THNSL1: variants seen among roughly 807,000 people sequenced by gnomAD.
THNSL1 encodes threonine synthase like 1, also known as threonine synthase-like 1.
A neutral mutation model predicts 50.4 loss-of-function variants in THNSL1; 48 were observed. The ratio of observed to expected loss-of-function variants is 0.95; its 90% CI spans 0.76 to 1.21. The LOEUF (loss-of-function observed/expected upper bound fraction) is 1.21, where lower values mean the gene tolerates loss of function less well. Among genes scored for constraint, THNSL1 ranks in the 50% most tolerant of loss-of-function variants. The probability of loss-of-function intolerance (pLI) is 0.00; values close to 1 mark genes in which losing one functional copy is unlikely to be tolerated. For missense variants in THNSL1, 896 were observed against 871.7 expected (o/e 1.03, Z -0.35); for synonymous variants, 309 against 306.1 (o/e 1.01, Z -0.10).
the THNSL1 span, among the ~76,000 whole-genome samples, chr10:24,992,059 G>T: frequency 6.6e-6 from 1 of 152,352 alleles, no homozygotes; most frequent in African/African-American, 2.4e-5. Flanking sequence ...TGACAGTGAA[G>T]CCATCAGCTG....
chr10:24,990,752 G>T, the THNSL1 span: 1 of 815,564 alleles, frequency 1.2e-6, no homozygotes, highest in Non-Finnish European at 1.8e-6. Context: ...AAAATTCAGT[G>T]ACTTTTTTCC....
chr10:25,026,321 CACATAACTGA>C lies in THNSL1; in HGVS notation c.*868_*877del, dbSNP rs1418379566. On this transcript the variant is annotated 3_prime_UTR_variant, in exon 3 of 3. Coordinates refer to ENST00000376356, the MANE Select transcript of THNSL1 (RefSeq NM_024838.5). ...TAGGGTGACGATGTTTGAAAATCAA[CACATAACTGA>C]AATCCAGGATGAAACAGTAAGCAGA... The C allele has an allele frequency of 5.4e-5, 9 of 166,600 alleles. No homozygotes were observed. In the Admixed American group the frequency reaches 5.9e-4, roughly 11 times the overall value. The allele number at this position is 166,600 out of a possible 1,614,324, so 10.3% of individuals were successfully genotyped here.
At chr10:24,996,332 G>T in the THNSL1 span, among the ~76,000 whole-genome samples, 1 of 152,150 alleles carries the variant, frequency 6.6e-6, no homozygotes, top group Admixed American at 6.5e-5. Context: ...TGAGGTGGGA[G>T]GATTGCTTCA....
the THNSL1 span, among the ~76,000 whole-genome samples, chr10:25,006,127 G>C: frequency 6.6e-6 from 1 of 152,128 alleles, no homozygotes; most frequent in African/African-American, 2.4e-5. Flanking sequence ...CTAGATAGCA[G>C]GAAAATCTAT....
intron 1 of THNSL1, among the ~76,000 whole-genome samples, chr10:25,018,352 A>G (rs578132594): frequency 5.3e-5 from 8 of 152,358 alleles, no homozygotes; most frequent in African/African-American, 1.4e-4. Flanking sequence ...TCCACAGGGA[A>G]TTAACTGGTA....
At chr10:24,954,903 G>T in the THNSL1 span, among the ~76,000 whole-genome samples, 1 of 152,090 alleles carries the variant, frequency 6.6e-6, no homozygotes, top group Non-Finnish European at 1.5e-5. Flanking sequence ...TCTTAATCTT[G>T]CATTATGAGG....
the THNSL1 span, among the ~76,000 whole-genome samples, chr10:24,986,661 T>C: frequency 6.6e-6 from 1 of 152,094 alleles, no homozygotes; most frequent in African/African-American, 2.4e-5. Context: ...GCAGCTACAG[T>C]TTTTCTCTGT....
the THNSL1 span, among the ~76,000 whole-genome samples, chr10:24,985,910 A>T: frequency 6.6e-6 from 1 of 152,176 alleles, no homozygotes. Context: ...GCTACAAAAA[A>T]TACAAAAAAT....
At chr10:25,002,551 G>A in the THNSL1 span, among the ~76,000 whole-genome samples, 1 of 152,078 alleles carries the variant, frequency 6.6e-6, no homozygotes. Flanking sequence ...ACTCTATGTT[G>A]TTTATTGTTC....
chr10:24,990,816 A>C, the THNSL1 span, among the ~76,000 whole-genome samples: 1 of 152,158 alleles, frequency 6.6e-6, no homozygotes, highest in Non-Finnish European at 1.5e-5. Context: ...GTTATTGCCC[A>C]GGCATAGTGG....
the THNSL1 span, among the ~76,000 whole-genome samples, chr10:24,987,118 C>A: frequency 2.6e-5 from 4 of 152,290 alleles, no homozygotes; most frequent in African/African-American, 9.6e-5. Context: ...TGGGGCATTT[C>A]TCCTCCTCTC....
the THNSL1 span, among the ~76,000 whole-genome samples, chr10:24,961,272 C>T: frequency 6.6e-6 from 1 of 152,098 alleles, no homozygotes; most frequent in African/African-American, 2.4e-5. Context: ...AGTGTTTTTC[C>T]ATAGTATAAT....
the THNSL1 span, among the ~76,000 whole-genome samples, chr10:24,956,738 A>G: frequency 6.6e-6 from 1 of 152,184 alleles, no homozygotes; most frequent in East Asian, 1.9e-4. Flanking sequence ...CTGCTGTGCC[A>G]TACAGCAGGT....
intron 1 of THNSL1, among the ~76,000 whole-genome samples, chr10:25,018,143 G>C (rs931196367): frequency 2.0e-5 from 3 of 152,172 alleles, no homozygotes; most frequent in Non-Finnish European, 2.9e-5. Context: ...AACAATTTGT[G>C]CAAGACCTCA....
At chr10:24,985,518 A>G in the THNSL1 span, among the ~76,000 whole-genome samples, 1 of 152,236 alleles carries the variant, frequency 6.6e-6, no homozygotes, top group South Asian at 2.1e-4. Context: ...AATGTATTCT[A>G]TAAATGATTG....
At chr10:24,984,953 T>A in the THNSL1 span, 1 of 1,441,440 alleles carries the variant, frequency 6.9e-7, no homozygotes, top group Non-Finnish European at 9.6e-7. Flanking sequence ...ACTGCAAAAG[T>A]AAAGGAAATG....
intron 1 of THNSL1, among the ~76,000 whole-genome samples, chr10:25,017,355 G>A (rs1371921626): frequency 6.6e-6 from 1 of 152,128 alleles, no homozygotes; most frequent in Non-Finnish European, 1.5e-5. Flanking sequence ...AGACATTTTG[G>A]TAATAGGATT....
At chr10:25,017,621 C>CT (rs139511500) in intron 1 of THNSL1, among the ~76,000 whole-genome samples, 3,809 of 142,158 alleles carry the variant, frequency 0.027, 138 homozygotes, top group African/African-American at 0.086. Context: ...TTAAGTTTTT[C>CT]TTTTTTTTTT....
Position 25,016,707 on chromosome 10 carries a change from C to T in THNSL1, c.-216+15C>T, listed in dbSNP as rs1441239831. 2 of 152,394 alleles carry T rather than the reference C, an allele frequency of 1.3e-5. No homozygotes were observed. The highest frequency in any genetic ancestry group is 3.8e-4 in the East Asian group (2 of 5,198). 9.4% of individuals were successfully genotyped at this position (152,394 alleles called of 1,614,324 possible). A position where few individuals can be genotyped will look rare whatever the true frequency, so the allele number is the denominator to read the frequency against. ...GCTAGCTGCAGGTACGGTGCTCCGT[C>T]TCCTGTGGAGGCTTTAGCGGCTCGT... On this transcript the variant is annotated intron_variant, in intron 1 of 2. Transcript: ENST00000376356.
Sources: gnomAD v4.1 joint callset for allele counts (sites outside exome capture counted in the v4.1 genomes callset) on GRCh38, gnomAD v4.1.1 for gene constraint, MANE v1.5 for transcripts, NCBI Gene and HGNC (gene_info 2026-07-23, HGNC 2026-07-21) for gene names.